JMJD1C: variants seen among roughly 807,000 people sequenced by gnomAD.
JMJD1C encodes the protein jumonji domain containing 1C, also known as jumonji domain-containing protein 1C.
In JMJD1C, 31 loss-of-function variants were observed where a neutral mutation model predicts 245.3. The ratio of observed to expected loss-of-function variants is 0.13; its 90% CI spans 0.09 to 0.17. The LOEUF is 0.17. JMJD1C is among the 10% of genes least tolerant of loss of function. The pLI is 1.00. For missense variants in JMJD1C, 2,691 were observed against 3,000.2 expected (o/e 0.90, Z 2.41); for synonymous variants, 1,057 against 1,017.4 (o/e 1.04, Z -0.74).
Position 63,487,975 on chromosome 10 carries a change from C to T in JMJD1C, n.113+33763G>A, listed in dbSNP as rs142045742. Among the ~76,000 whole-genome samples, 396 of 152,162 alleles carry T rather than the reference C, an allele frequency of 2.6e-3. 1 individual carries two copies. The highest frequency in any genetic ancestry group is 9.2e-3 in the African/African-American group (380 of 41,500). On this transcript the variant is annotated intron_variant and non_coding_transcript_variant, in intron 1 of 3. Coordinates refer to the JMJD1C transcript ENST00000633035. ...TCCAATTTCATAAATGAAGACACTG[C>T]GACACAGAGAGGTGAAAGTTAAGTG...
chr10:63,187,725 G>A (rs952180372), intron 18 of JMJD1C, among the ~76,000 whole-genome samples: 2 of 152,206 alleles, frequency 1.3e-5, no homozygotes, highest in African/African-American at 2.4e-5. Context: ...ATAGGCAAGA[G>A]CCACAGCACC....
intron 1 of JMJD1C, chr10:63,489,766 T>A (rs1954108521): frequency 6.6e-6 from 1 of 152,284 alleles, no homozygotes; most frequent in Non-Finnish European, 1.5e-5. Context: ...CCCACCTCAG[T>A]CTCCCAAAGT....
chr10:63,337,624 A>AAAAGAAAAAGAAAAG (rs139374030), intron 2 of JMJD1C, among the ~76,000 whole-genome samples: 1,270 of 59,490 alleles, frequency 0.021, 45 homozygotes, highest in East Asian at 0.032. Flanking sequence ...AAAAGAAAAG[A>AAAAGAAAAAGAAAAG]AAAAGAAAAG....
chr10:63,235,481 G>T (rs1195980340), intron 3 of JMJD1C, among the ~76,000 whole-genome samples: 1 of 152,040 alleles, frequency 6.6e-6, no homozygotes, highest in Non-Finnish European at 1.5e-5. Context: ...TGGGCAGCAA[G>T]AACAAAACTT....
At chr10:63,252,256 C>T (rs1853192801) in intron 3 of JMJD1C, among the ~76,000 whole-genome samples, 1 of 152,142 alleles carries the variant, frequency 6.6e-6, no homozygotes. Context: ...TTTTAAGTGT[C>T]AACTTGACTA....
rs200828018 is a variant in JMJD1C, at chr10:63,482,161, G to GA, written n.113+39576dup. ...CTCATTTCCTTACGACATTGATGAG[G>GA]AAAAAAAAATTGGTTTCATTATACA... is the stretch of plus-strand genomic sequence containing the variant. On this transcript the variant is annotated intron_variant and non_coding_transcript_variant, in intron 1 of 3. Transcript: ENST00000633035. Among the ~76,000 whole-genome samples, 555 of 150,896 alleles carry GA rather than the reference G, an allele frequency of 3.7e-3. 4 individuals carry two copies. The highest frequency in any genetic ancestry group is 0.03 in the South Asian group (141 of 4,774).
chr10:63,491,237 A>G (rs1457568154), intron 1 of JMJD1C, among the ~76,000 whole-genome samples: 2 of 152,148 alleles, frequency 1.3e-5, no homozygotes, highest in African/African-American at 2.4e-5. Flanking sequence ...TTTTACTATT[A>G]TAACTTTTCT....
chr10:63,398,702 G>A (rs1217068999), intron 1 of JMJD1C, among the ~76,000 whole-genome samples: 2 of 151,636 alleles, frequency 1.3e-5, no homozygotes, highest in African/African-American at 4.9e-5. Context: ...GGAGGGCAGT[G>A]GCGCAATCTC....
At chr10:63,238,347 G>A (rs973507555) in intron 3 of JMJD1C, among the ~76,000 whole-genome samples, 8 of 151,108 alleles carry the variant, frequency 5.3e-5, no homozygotes, top group Non-Finnish European at 1.2e-4. Flanking sequence ...AAAGTTTAAC[G>A]TATTTAGAAA....
chr10:63,518,714 T>C (rs994447161), intron 1 of JMJD1C, among the ~76,000 whole-genome samples: 1 of 152,246 alleles, frequency 6.6e-6, no homozygotes, highest in Non-Finnish European at 1.5e-5. Flanking sequence ...TCTTAAATCA[T>C]GCAAGACATG....
intron 2 of JMJD1C, among the ~76,000 whole-genome samples, chr10:63,330,595 A>G (rs908818680): frequency 7.9e-5 from 12 of 152,152 alleles, no homozygotes; most frequent in African/African-American, 2.9e-4. Flanking sequence ...TCACATATTT[A>G]AAATATTGAA....
chr10:63,299,845 T>G (rs897324565), intron 2 of JMJD1C, among the ~76,000 whole-genome samples: 2 of 151,818 alleles, frequency 1.3e-5, no homozygotes, highest in East Asian at 3.9e-4. Flanking sequence ...CTGCAAGAAA[T>G]AGTTAAAGCC....
chr10:63,458,594 G>T (rs1952568959), intron 1 of JMJD1C, among the ~76,000 whole-genome samples: 1 of 151,600 alleles, frequency 6.6e-6, no homozygotes, highest in African/African-American at 2.4e-5. Context: ...AGTATTTGTT[G>T]CCATTAAATC....
At chr10:63,505,723 C>A (rs1253438741) in intron 1 of JMJD1C, among the ~76,000 whole-genome samples, 3 of 151,632 alleles carry the variant, frequency 2.0e-5, no homozygotes, top group Non-Finnish European at 4.4e-5. Context: ...CAAACAATTT[C>A]AAGATAAATA....
intron 1 of JMJD1C, among the ~76,000 whole-genome samples, chr10:63,426,811 A>G (rs1950468073): frequency 6.6e-6 from 1 of 152,232 alleles, no homozygotes; most frequent in African/African-American, 2.4e-5. Context: ...TACTCTGAGT[A>G]TCTAGTGTAA....
intron 1 of JMJD1C, among the ~76,000 whole-genome samples, chr10:63,486,478 G>A (rs770403503): frequency 1.6e-4 from 25 of 152,066 alleles, no homozygotes; most frequent in Non-Finnish European, 2.2e-4. Context: ...CCTGTGGCAC[G>A]GAAAATGGAT....
intron 2 of JMJD1C, among the ~76,000 whole-genome samples, chr10:63,364,155 G>A (rs1042796083): frequency 6.6e-6 from 1 of 152,032 alleles, no homozygotes; most frequent in Non-Finnish European, 1.5e-5. Context: ...GTGAGCCACT[G>A]CGCCCAGACT....
intron 2 of JMJD1C, among the ~76,000 whole-genome samples, chr10:63,355,173 T>C (rs1443194283): frequency 6.6e-6 from 1 of 152,162 alleles, no homozygotes; most frequent in Non-Finnish European, 1.5e-5. Flanking sequence ...TTTTTAAACA[T>C]TTTGAAATAA....
At position 63,473,529 on chromosome 10, in the gene JMJD1C, G is replaced by A. The variant is rs541937090; in HGVS notation, n.113+48209C>T. On this transcript the variant is annotated intron_variant and non_coding_transcript_variant, in intron 1 of 3. Coordinates refer to the JMJD1C transcript ENST00000633035. ...CCCAAAGTGCTGGGATTTCAGGCATGAGCCACTGTGCCTGGCCAGGTAAAA... is the reference window on the plus strand; with the variant it reads ...CCCAAAGTGCTGGGATTTCAGGCATAAGCCACTGTGCCTGGCCAGGTAAAA... Among the ~76,000 whole-genome samples the A allele has an allele frequency of 9.9e-5, 15 of 152,108 alleles. No homozygotes were observed. In the South Asian group the frequency reaches 1.7e-3, roughly 17 times the overall value.
Sources: allele counts gnomAD v4.1 joint callset (sites outside exome capture counted in the v4.1 genomes callset), GRCh38; gene constraint gnomAD v4.1.1; transcripts MANE v1.5; gene names NCBI Gene and HGNC (gene_info 2026-07-23, HGNC 2026-07-21).